The following ZNF26 variants were observed in gnomAD, a reference collection of about 807,000 sequenced individuals.
ZNF26 encodes epididymis luminal protein 179.
ZNF26 carries 32 observed loss-of-function variants against 54.9 expected under a neutral mutation model. The observed-to-expected ratio is 0.58, with a 90% CI of 0.44 to 0.78. ZNF26 has a LOEUF of 0.78. ZNF26 is among the 30% of genes least tolerant of loss of function. ZNF26 has a pLI of 0.00. For synonymous variants in ZNF26, 221 were observed against 209.2 expected (o/e 1.06, Z -0.49); for missense variants, 524 against 634.0 (o/e 0.83, Z 1.86).
At position 133,023,997 on chromosome 12, in the gene ZNF26, C is replaced by G. The variant is rs1205684639; in HGVS notation, c.*12516C>G. ...TGCCTTTCTGGCTCCATGAGAAATT[C>G]TGACCCAGAACGGCTCAGTCAGACC... On this transcript the variant is annotated 3_prime_UTR_variant, in exon 4 of 4. Transcript: ENST00000328654. The G allele has an allele frequency of 2.0e-5, 3 of 152,234 alleles. No homozygotes were observed. Among genetic ancestry groups the G allele is most frequent in the African/African-American group, 7.2e-5 (3 of 41,460 alleles). 9.4% of individuals were successfully genotyped at this position (152,234 alleles called of 1,614,324 possible).
rs1339887807 is a variant in ZNF26, at chr12:133,001,315, C to T, written c.34-5727C>T. Among the ~76,000 whole-genome samples, 1 of 152,180 alleles carries T rather than the reference C, an allele frequency of 6.6e-6. No homozygotes were observed. The highest frequency in any genetic ancestry group is 1.5e-5 in the Non-Finnish European group (1 of 68,042). ...ACACTCTCACTCCAAGCTCTTGTAC[C>T]TCCCCTCATTCTAGCCTGCAGAGGG... On this transcript the variant is annotated intron_variant, in intron 1 of 3. Coordinates refer to ENST00000328654, the MANE Select transcript of ZNF26 (RefSeq NM_019591.4). This position sits in a 1 kb window ranked among gnomAD's most constrained non-coding sequence, Gnocchi z 4.7.
rs1034580111 is a variant in ZNF26, at chr12:132,986,784, C to G, written c.-57C>G. 46 of 1,559,140 alleles carry G rather than the reference C, an allele frequency of 3.0e-5. No individual in the cohort carries two copies. The highest frequency in any genetic ancestry group is 3.7e-5 in the Non-Finnish European group (42 of 1,149,946). ...TTCGGGCGGACGCATCCCTCACGGTCTCTCCGCAGCCCGCGGGTCCTGCCC... is the reference window on the plus strand; with the variant it reads ...TTCGGGCGGACGCATCCCTCACGGTGTCTCCGCAGCCCGCGGGTCCTGCCC... On this transcript the variant is annotated 5_prime_UTR_variant, in exon 1 of 4. Transcript: ENST00000328654.
intron 2 of ZNF26, 25 bp from the exon 3 acceptor site, chr12:133,007,412 A>C: frequency 6.3e-7 from 1 of 1,594,300 alleles, no homozygotes; most frequent in South Asian, 1.1e-5. Context: ...CCTGGTCCCC[A>C]CCCTTTGTGA....
In ZNF26 at chr12:133,015,871, C is replaced by T. The variant is rs1013783950; in HGVS notation, c.*4390C>T. 5.9e-5 allele frequency: 9 copies of T among 151,990 alleles called. No individual in the cohort carries two copies. Among genetic ancestry groups the T allele is most frequent in the Non-Finnish European group, 1.2e-4 (8 of 67,996 alleles). 9.4% of individuals were successfully genotyped at this position (151,990 alleles called of 1,614,324 possible). A position where few individuals can be genotyped will look rare whatever the true frequency, so the allele number is the denominator to read the frequency against. Reference sequence around the variant, plus strand: ...GGCAAATAAAAGTGCTTCAAGCAGACGTTTATTTAGAAATTCATGCTGCAT... The same window carrying T: ...GGCAAATAAAAGTGCTTCAAGCAGATGTTTATTTAGAAATTCATGCTGCAT... On this transcript the variant is annotated 3_prime_UTR_variant, in exon 4 of 4. Transcript: ENST00000328654.
At chr12:132,999,788 G>A (rs1450908976) in intron 1 of ZNF26, among the ~76,000 whole-genome samples, 6 of 151,536 alleles carry the variant, frequency 4.0e-5, no homozygotes, top group African/African-American at 1.2e-4. Context: ...CCACCTCCTG[G>A]GTTCAAGTGA....
In ZNF26 at chr12:133,011,702, T is replaced by C. The variant is rs1953477405; in HGVS notation, c.*221T>C. On this transcript the variant is annotated 3_prime_UTR_variant, in exon 4 of 4. Transcript: ENST00000328654. ...AATGTGGAGCAATAAATGTATCAAA[T>C]GTTGTAGTATCATCATGAAGATTCA... The C allele has an allele frequency of 2.8e-6, 1 of 355,526 alleles. No individual in the cohort carries two copies. The allele number at this position is 355,526 out of a possible 1,614,324, so 22.0% of individuals were successfully genotyped here.
At chr12:133,000,950 A>T (rs1953206285) in intron 1 of ZNF26, among the ~76,000 whole-genome samples, 1 of 152,092 alleles carries the variant, frequency 6.6e-6, no homozygotes. Context: ...CTCCTGGTCT[A>T]CCTGCTATCT....
At chr12:133,000,870 G>A (rs900409200) in intron 1 of ZNF26, among the ~76,000 whole-genome samples, 5 of 152,140 alleles carry the variant, frequency 3.3e-5, no homozygotes, top group Admixed American at 1.3e-4. Context: ...GTTTTCATTC[G>A]TATCAAGCTT....
At chr12:132,987,662 C>A in intron 1 of ZNF26, 3 of 982,252 alleles carry the variant, frequency 3.1e-6, no homozygotes, top group Non-Finnish European at 3.6e-6. Context: ...GCCTGTATTT[C>A]AGCCTGTAAC....
chr12:132,988,531 G>A (rs971374479), intron 1 of ZNF26, among the ~76,000 whole-genome samples: 25 of 152,064 alleles, frequency 1.6e-4, no homozygotes, highest in African/African-American at 4.8e-4. Context: ...ACAGGTGTGA[G>A]CCACCATGCC....
At chr12:132,996,410 G>T (rs987194417) in intron 1 of ZNF26, among the ~76,000 whole-genome samples, 178 of 152,268 alleles carry the variant, frequency 1.2e-3, no homozygotes, top group African/African-American at 4.1e-3. Context: ...ATTTTAGTTT[G>T]TTTAGTCCTC....
intron 1 of ZNF26, among the ~76,000 whole-genome samples, chr12:132,987,948 A>G (rs1224697450): frequency 1.3e-5 from 2 of 152,202 alleles, no homozygotes; most frequent in Admixed American, 6.5e-5. Context: ...CTATTGATCT[A>G]TTTGTTGTTT....
At position 133,024,195 on chromosome 12, in the gene ZNF26, G is replaced by A. The variant is rs1455744924; in HGVS notation, c.*12714G>A. The A allele has an allele frequency of 6.6e-6, 1 of 152,266 alleles. No homozygotes were observed. Among genetic ancestry groups the A allele is most frequent in the Non-Finnish European group, 1.5e-5 (1 of 68,054 alleles). 9.4% of individuals were successfully genotyped at this position (152,266 alleles called of 1,614,324 possible). ...ATCACTGGCCTTGGCACTGGATGAT[G>A]AGCAGAATCTGAAAGGCCCTTGAGT... is the stretch of plus-strand genomic sequence containing the variant. On this transcript the variant is annotated 3_prime_UTR_variant, in exon 4 of 4. Transcript: ENST00000328654.
rs1271526905 is a variant in ZNF26 at position 133,021,396 on chromosome 12, C to T, written c.*9915C>T. 2 of 151,820 alleles carry T rather than the reference C, an allele frequency of 1.3e-5. No individual in the cohort carries two copies. The highest frequency in any genetic ancestry group is 1.3e-4 in the Admixed American group (2 of 15,268). 9.4% of individuals were successfully genotyped at this position (151,820 alleles called of 1,614,324 possible). On this transcript the variant is annotated 3_prime_UTR_variant, in exon 4 of 4. Transcript: ENST00000328654. The stretch of plus-strand genomic sequence containing the variant: ...GAACTCCTGACCTCAGGTGATCCAC[C>T]CACCTCGGCCTCCCAAAGTGCTGGG...
rs1480491989 is a variant in ZNF26 at position 133,011,586 on chromosome 12, TCAGAG to T, written c.*106_*110del. 5.7e-5 allele frequency: 71 copies of T among 1,237,068 alleles called. No individual in the cohort carries two copies. In the East Asian group the frequency reaches 1.7e-3, roughly 30 times the overall value. The allele number at this position is 1,237,068 out of a possible 1,614,324, so 76.6% of individuals were successfully genotyped here. ...CCTAAAATTACACTCATGTCAAAAA[TCAGAG>T]AGGAGAGAGACCAACCATATTTGGG... On this transcript the variant is annotated 3_prime_UTR_variant, in exon 4 of 4. Coordinates refer to ENST00000328654, the MANE Select transcript of ZNF26 (RefSeq NM_019591.4).
intron 3 of ZNF26, among the ~76,000 whole-genome samples, chr12:133,009,243 T>C (rs972763950): frequency 1.2e-4 from 19 of 152,206 alleles, no homozygotes; most frequent in Non-Finnish European, 7.3e-5. Context: ...TTTTCTTACT[T>C]TTTACAGAAC....
chr12:133,008,835 A>C (rs1953401441), intron 3 of ZNF26, among the ~76,000 whole-genome samples: 2 of 151,962 alleles, frequency 1.3e-5, no homozygotes, highest in African/African-American at 4.8e-5. Context: ...AAAGAGGTTT[A>C]ATTGGCTCAG....
chr12:133,008,517 C>A (rs1195748785), intron 3 of ZNF26, among the ~76,000 whole-genome samples: 1 of 152,108 alleles, frequency 6.6e-6, no homozygotes, highest in African/African-American at 2.4e-5. Context: ...TGGCTCATGC[C>A]TGTAATCCCA....
At chr12:132,989,600 A>G (rs1952903816) in intron 1 of ZNF26, among the ~76,000 whole-genome samples, 1 of 152,198 alleles carries the variant, frequency 6.6e-6, no homozygotes, top group African/African-American at 2.4e-5. Context: ...GTAATTTTAT[A>G]CAGTATTTTA....
Sources: gnomAD v4.1 joint callset for allele counts (sites outside exome capture counted in the v4.1 genomes callset) on GRCh38, gnomAD v4.1.1 for gene constraint, Gnocchi (gnomAD v3.1) non-coding constraint, MANE v1.5 for transcripts, NCBI Gene and HGNC (gene_info 2026-07-23, HGNC 2026-07-21) for gene names.